Variants in RYR2 observed in about 807,000 individuals in gnomAD.
RYR2 encodes the protein ryanodine receptor 2, also known as cardiac muscle ryanodine receptor-calcium release channel.
A neutral mutation model predicts 601.1 loss-of-function variants in RYR2; 227 were observed. The ratio of observed to expected loss-of-function variants is 0.38; its 90% CI spans 0.34 to 0.42. The LOEUF (loss-of-function observed/expected upper bound fraction) is 0.42. Ranked by LOEUF, RYR2 falls within the 10% of genes least tolerant of loss-of-function variation. The pLI is 1.00. For missense variants in RYR2, 4,646 were observed against 6,156.5 expected (o/e 0.75, Z 8.21); for synonymous variants, 2,223 against 2,175.1 (o/e 1.02, Z -0.61).
At chr1:237,357,228 A>T (rs777843405) in intron 4 of RYR2, among the ~76,000 whole-genome samples, 19 of 152,056 alleles carry the variant, frequency 1.2e-4, no homozygotes, top group Non-Finnish European at 1.2e-4. Flanking sequence ...TTGTTTTTGA[A>T]ATTTCCTACC....
chr1:237,224,326 T>G (rs1413946371), intron 1 of RYR2, among the ~76,000 whole-genome samples: 3 of 152,208 alleles, frequency 2.0e-5, no homozygotes, highest in Non-Finnish European at 2.9e-5. Context: ...ACTGTTTATG[T>G]TATACCAACT....
chr1:237,068,032 A>ATTTTTTTT (rs36053229), intron 1 of RYR2, among the ~76,000 whole-genome samples: 1 of 122,890 alleles, frequency 8.1e-6, no homozygotes, highest in African/African-American at 3.0e-5. Flanking sequence ...CAGAACTTTG[A>ATTTTTTTT]TTTTTTTTTT....
chr1:237,518,837 C>T (rs1666816551), intron 24 of RYR2, among the ~76,000 whole-genome samples: 1 of 152,262 alleles, frequency 6.6e-6, no homozygotes, highest in Admixed American at 6.5e-5. Flanking sequence ...AGTTTCTATA[C>T]TATTTTTTCA....
chr1:237,575,903 T>C (rs10159419), intron 29 of RYR2, among the ~76,000 whole-genome samples: 82,914 of 151,952 alleles, frequency 0.55, 23,045 homozygotes, highest in East Asian at 0.76. Flanking sequence ...AAAGAATCTA[T>C]ACACATTACT....
chr1:237,166,798 G>C (rs921494575), intron 1 of RYR2, among the ~76,000 whole-genome samples: 3 of 152,142 alleles, frequency 2.0e-5, no homozygotes, highest in African/African-American at 7.2e-5. Context: ...TTACATATTG[G>C]TTCAGAGATG....
In RYR2 at chr1:237,556,373, C is replaced by T. The variant is rs182611012; in HGVS notation, c.3214+5682C>T. Among the ~76,000 whole-genome samples the T allele has an allele frequency of 3.8e-3, 570 of 151,354 alleles. 3 individuals are homozygous for T. The highest frequency in any genetic ancestry group is 0.013 in the African/African-American group (544 of 41,358). ...GGAGTGCAGTGGTGCAATCTCAGTT[C>T]ACTGCAACCTCTGCCTCCCTGGTTC... On this transcript the variant is annotated intron_variant, in intron 27 of 104. Coordinates refer to ENST00000366574, the MANE Select transcript of RYR2 (RefSeq NM_001035.3).
rs1678531492 is a variant in RYR2, at chr1:237,180,074, C to T, written c.49-90423C>T. 6.6e-6 allele frequency among the ~76,000 whole-genome samples: 1 copy of T among 151,998 alleles called. No individual in the cohort carries two copies. Among genetic ancestry groups the T allele is most frequent in the Admixed American group, 6.5e-5 (1 of 15,270 alleles). ...TATTGTTGATGGGAGACCCGACTTA[C>T]TGAGCCATGTCCGTGTCGTCCTGTT... On this transcript the variant is annotated intron_variant, in intron 1 of 104. Coordinates refer to ENST00000366574, the MANE Select transcript of RYR2 (RefSeq NM_001035.3). The surrounding 1 kb of genome is among the most constrained non-coding windows in gnomAD (Gnocchi z 5.3).
intron 27 of RYR2, among the ~76,000 whole-genome samples, chr1:237,562,023 T>C (rs1331587135): frequency 6.6e-6 from 1 of 152,152 alleles, no homozygotes; most frequent in Non-Finnish European, 1.5e-5. Context: ...TAAAAAAAAG[T>C]CAAGGGCATA....
At chr1:237,760,893 T>A in intron 83 of RYR2, 62 bp from the exon 84 acceptor site, 6 of 1,069,224 alleles carry the variant, frequency 5.6e-6, no homozygotes, top group Non-Finnish European at 8.4e-6. Context: ...ATGTTTGCTC[T>A]CCTGAGCAAA....
Position 237,469,204 on chromosome 1 carries a change from T to C in RYR2, c.1708+17T>C. On this transcript the variant is annotated intron_variant, in intron 17 of 104. Transcript: ENST00000366574. ...CTTCTTCAGGTATGTTTTCTAGTTTTTTCCTTGTTGTGATAGATCACTCCT... is the reference window on the plus strand; with the variant it reads ...CTTCTTCAGGTATGTTTTCTAGTTTCTTCCTTGTTGTGATAGATCACTCCT... The C allele has an allele frequency of 6.4e-7, 1 of 1,571,994 alleles. No homozygotes were observed. The highest frequency in any genetic ancestry group is 8.7e-7 in the Non-Finnish European group (1 of 1,149,632).
At chr1:237,546,331 T>C (rs1669798650) in intron 25 of RYR2, among the ~76,000 whole-genome samples, 1 of 152,212 alleles carries the variant, frequency 6.6e-6, no homozygotes, top group Admixed American at 6.5e-5. Flanking sequence ...AGCTTTTGTC[T>C]ACAGAAAAAT....
At chr1:237,388,844 A>AG (rs1702146628) in intron 10 of RYR2, among the ~76,000 whole-genome samples, 1 of 152,230 alleles carries the variant, frequency 6.6e-6, no homozygotes, top group Non-Finnish European at 1.5e-5. Context: ...CAGTGAGAGA[A>AG]GGTACTGTGT....
intron 2 of RYR2, among the ~76,000 whole-genome samples, chr1:237,324,441 C>A (rs1452214933): frequency 6.6e-6 from 1 of 152,128 alleles, no homozygotes; most frequent in Admixed American, 6.6e-5. Context: ...CAAAAACAAA[C>A]CTGCCTCAAC....
rs1657853813 is a variant in RYR2, at chr1:237,449,717, T to A, written c.1292+4195T>A. 2.0e-5 allele frequency among the ~76,000 whole-genome samples: 3 copies of A among 152,054 alleles called. No homozygotes were observed. In the South Asian group the frequency reaches 6.2e-4, roughly 32 times the overall value. ...GAAAATGTGTTTTTTGCCTTCATTT[T>A]AAGTGATATTTTTGCTGTGTACAGC... On this transcript the variant is annotated intron_variant, in intron 14 of 104. Coordinates refer to ENST00000366574, the MANE Select transcript of RYR2 (RefSeq NM_001035.3).
intron 1 of RYR2, among the ~76,000 whole-genome samples, chr1:237,170,008 G>A (rs1390303701): frequency 6.6e-6 from 1 of 152,140 alleles, no homozygotes; most frequent in Non-Finnish European, 1.5e-5. Flanking sequence ...GGATTCAATG[G>A]TGAACAAAGT....
chr1:237,395,171 T>C (rs1052322884), intron 10 of RYR2, among the ~76,000 whole-genome samples: 1 of 152,168 alleles, frequency 6.6e-6, no homozygotes, highest in Non-Finnish European at 1.5e-5. Context: ...AACAACACTA[T>C]ATTCAGGATG....
chr1:237,627,935 G>A lies in RYR2; in HGVS notation c.6295G>A (p.Val2099Ile), dbSNP rs767569006. The change falls in exon 41 of 105, where the codon GTT (valine) becomes ATT (isoleucine). Residue 2099 changes from valine (V) to isoleucine (I), a missense_variant. Coordinates refer to ENST00000366574, the MANE Select transcript of RYR2 (RefSeq NM_001035.3). ...GCAGTATGACGGCATTGGGGGTCTT[G>A]TTCGGGCCCTGCCAAAGACCTACAC... ...HRQYDGIGGL[V>I]RALPKTYTIN... is the part of the protein sequence containing the mutation. The A allele has an allele frequency of 1.2e-6, 2 of 1,613,930 alleles. No individual in the cohort carries two copies. Among genetic ancestry groups the A allele is most frequent in the Non-Finnish European group, 1.7e-6 (2 of 1,179,874 alleles).
At chr1:237,105,847 A>G (rs1331969965) in intron 1 of RYR2, among the ~76,000 whole-genome samples, 1 of 152,012 alleles carries the variant, frequency 6.6e-6, no homozygotes, top group African/African-American at 2.4e-5. Flanking sequence ...AAAAAAAAAA[A>G]AAAAAAAAAA....
At chr1:237,507,024 A>G (rs531065448) in intron 23 of RYR2, among the ~76,000 whole-genome samples, 3 of 152,302 alleles carry the variant, frequency 2.0e-5, no homozygotes, top group African/African-American at 7.2e-5. Flanking sequence ...TCACTGAAGG[A>G]TGGTCTAGCT....
Sources: gnomAD v4.1 joint callset for allele counts (sites outside exome capture counted in the v4.1 genomes callset) on GRCh38, gnomAD v4.1.1 for gene constraint, Gnocchi (gnomAD v3.1) non-coding constraint, MANE v1.5 for transcripts, NCBI Gene and HGNC (gene_info 2026-07-23, HGNC 2026-07-21) for gene names.